LMF1: variants seen among roughly 807,000 people sequenced by gnomAD.
The protein encoded by LMF1 is lipase maturation factor 1.
In LMF1, 68 loss-of-function variants were observed where a neutral mutation model predicts 60.6. The ratio of observed to expected loss-of-function variants is 1.12; its 90% confidence interval spans 0.92 to 1.37. The LOEUF (loss-of-function observed/expected upper bound fraction) is 1.37, where lower values mean the gene tolerates loss of function less well. Ranked by LOEUF, LMF1 falls within the 40% of genes most tolerant of loss-of-function variation. The pLI is 0.00. For synonymous variants in LMF1, 418 were observed against 324.7 expected (o/e 1.29, Z -3.09); for missense variants, 948 against 767.2 (o/e 1.24, Z -2.78).
chr16:867,699 C>A (rs540469977), intron 10 of LMF1, among the ~76,000 whole-genome samples: 1 of 152,166 alleles, frequency 6.6e-6, no homozygotes, highest in South Asian at 2.1e-4. Flanking sequence ...GCCACCCCAC[C>A]GGGGGCTCTG....
intron 2 of LMF1, among the ~76,000 whole-genome samples, chr16:952,317 C>A (rs530184182): frequency 3.0e-5 from 4 of 132,936 alleles, no homozygotes; most frequent in Admixed American, 2.2e-4. Flanking sequence ...GACCCCCCCC[C>A]ACAGGTGCCC....
intron 1 of LMF1, among the ~76,000 whole-genome samples, chr16:978,149 TAC>T (rs144909608): frequency 0.013 from 1,641 of 124,266 alleles, 28 homozygotes; most frequent in South Asian, 0.1. Flanking sequence ...ACATACATCA[TAC>T]ACACACACAC....
chr16:909,923 C>T (rs773544094), intron 4 of LMF1, among the ~76,000 whole-genome samples: 45 of 152,270 alleles, frequency 3.0e-4, no homozygotes, highest in Admixed American at 1.2e-3. Context: ...GGGGCAGGCA[C>T]AAGTTCCTTG....
chr16:979,668 G>C, intron 1 of LMF1: 1 of 454,114 alleles, frequency 2.2e-6, no homozygotes, highest in Non-Finnish European at 4.4e-6. Flanking sequence ...CTGCCTGCTC[G>C]CAGACCTAAT....
At chr16:859,226 T>G in intron 10 of LMF1, among the ~76,000 whole-genome samples, 3 of 94,904 alleles carry the variant, frequency 3.2e-5, no homozygotes, top group Admixed American at 1.1e-4. Flanking sequence ...GGGTGTGCAG[T>G]GGTGTCACGG....
At chr16:919,132 G>C (rs1046806869) in intron 3 of LMF1, among the ~76,000 whole-genome samples, 1 of 152,082 alleles carries the variant, frequency 6.6e-6, no homozygotes, top group African/African-American at 2.4e-5. Context: ...ACAGTCTCGG[G>C]GGACAGTCTG....
chr16:880,815 G>T (rs1043422007), intron 5 of LMF1, among the ~76,000 whole-genome samples: 2 of 152,254 alleles, frequency 1.3e-5, no homozygotes, highest in African/African-American at 2.4e-5. Context: ...TGCCAGGGCT[G>T]TGTGAGTCGG....
chr16:876,829 C>T lies in LMF1; in HGVS notation c.897+2741G>A, dbSNP rs185842070. 4.4e-4 allele frequency among the ~76,000 whole-genome samples: 67 copies of T among 151,782 alleles called. No homozygotes were observed. The East Asian group carries it at 0.01, about 24-fold the overall frequency. ...GATTGATTGATAACCACTGAGGAAA[C>T]AGAGGATCTTCCTTATCCATTAGAG... On this transcript the variant is annotated intron_variant, in intron 6 of 10. Transcript: ENST00000262301.
At chr16:981,133 G>T (rs753898902) in intron 1 of LMF1, 12 of 437,744 alleles carry the variant, frequency 2.7e-5, no homozygotes, top group African/African-American at 2.3e-4. Flanking sequence ...GCGGCCCCTT[G>T]AAGCGCGTTA....
rs1030715845 is a variant in LMF1 at position 874,097 on chromosome 16, CAGGCGG to C, written c.898-2762_898-2757del. On this transcript the variant is annotated intron_variant, in intron 6 of 10. Transcript: ENST00000262301. This position sits in a 1 kb window ranked among gnomAD's most constrained non-coding sequence, Gnocchi z 4.1. ...GGGGGGGTATGGGAAGTTCTGGAAC[CAGGCGG>C]AGGCGGCGGTTGCATCACGCTGTGA... 2.6e-5 allele frequency among the ~76,000 whole-genome samples: 4 copies of C among 152,218 alleles called. No individual in the cohort carries two copies. The highest frequency in any genetic ancestry group is 4.1e-4 in the South Asian group (2 of 4,834).
intron 10 of LMF1, among the ~76,000 whole-genome samples, chr16:860,270 CACAGATCATCTTT>C (rs1329983537): frequency 2.0e-5 from 3 of 151,914 alleles, no homozygotes; most frequent in Non-Finnish European, 4.4e-5. Context: ...TTTTTCCTTT[CACAGATCATCTTT>C]AAGTATAATG....
At chr16:938,168 A>G (rs9941342) in intron 2 of LMF1, among the ~76,000 whole-genome samples, 72,487 of 152,180 alleles carry the variant, frequency 0.48, 18,918 homozygotes, top group African/African-American at 0.69. Flanking sequence ...TCAATCACGG[A>G]ACGGGGTGCC....
rs1596813244 is a variant in LMF1, at chr16:853,793, C to G, written c.*739G>C. 2.2e-6 allele frequency: 1 copy of G among 454,132 alleles called. No homozygotes were observed. 28.1% of individuals were successfully genotyped at this position (454,132 alleles called of 1,614,324 possible). A position where few individuals can be genotyped will look rare whatever the true frequency, so the allele number is the denominator to read the frequency against. On this transcript the variant is annotated 3_prime_UTR_variant, in exon 11 of 11. Coordinates refer to ENST00000262301, the MANE Select transcript of LMF1 (RefSeq NM_022773.4). ...CTGTCCTCCGATTGAGGGGCCTTGT[C>G]AAGGCCTCAGAGGCAGCGAGGTCAC...
At chr16:946,400 C>T (rs1023593141) in intron 2 of LMF1, among the ~76,000 whole-genome samples, 1 of 152,232 alleles carries the variant, frequency 6.6e-6, no homozygotes, top group African/African-American at 2.4e-5. Context: ...GAAGGAAGCG[C>T]TTCTCCCAGC....
intron 3 of LMF1, among the ~76,000 whole-genome samples, chr16:911,915 C>T (rs1043922000): frequency 1.2e-4 from 18 of 152,258 alleles, no homozygotes; most frequent in Middle Eastern, 3.4e-3. Context: ...GGGGGCCCAA[C>T]GGATTCTTCG....
chr16:855,279 TGCTG>T, intron 10 of LMF1: 1 of 252,196 alleles, frequency 4.0e-6, no homozygotes, highest in Non-Finnish European at 7.9e-6. Flanking sequence ...GACGTGCAGA[TGCTG>T]GCTGGCTGCT....
intron 5 of LMF1, chr16:885,160 T>C (rs2070269429): frequency 6.6e-6 from 1 of 152,210 alleles, no homozygotes; most frequent in Admixed American, 6.5e-5. Context: ...GAGATAGGCA[T>C]AGTATACCTT....
At chr16:895,657 G>A (rs1243111860) in intron 4 of LMF1, among the ~76,000 whole-genome samples, 8 of 152,134 alleles carry the variant, frequency 5.3e-5, no homozygotes, top group Admixed American at 1.3e-4. Context: ...AGGCTGCACC[G>A]CGCCCTGAAG....
upstream of LMF1, chr16:981,454 G>A (rs2151518150): frequency 3.6e-6 from 1 of 280,784 alleles, no homozygotes; most frequent in East Asian, 1.4e-4. Context: ...GGACTCTCAG[G>A]AGCCGCGCGG....
Sources: allele counts gnomAD v4.1 joint callset (sites outside exome capture counted in the v4.1 genomes callset), GRCh38; gene constraint gnomAD v4.1.1; non-coding constraint Gnocchi (gnomAD v3.1); transcripts MANE v1.5; gene names NCBI Gene and HGNC (gene_info 2026-07-23, HGNC 2026-07-21).